Variants in FMN1 observed in about 807,000 individuals in gnomAD.
FMN1 encodes the protein formin 1, also known as formin-1.
FMN1 carries 110 observed loss-of-function variants against 132.4 expected under a neutral mutation model. That is an observed-to-expected ratio of 0.83 (90% CI 0.71 to 0.97). The LOEUF is 0.97. FMN1 is among the 50% of genes least tolerant of loss of function. The pLI is 0.00. For synonymous variants in FMN1, 722 were observed against 651.7 expected, an observed-to-expected ratio of 1.11 and a Z score of -1.64; for missense variants, 1,792 against 1,705.3, an observed-to-expected ratio of 1.05 and a Z score of -0.90.
intron 6 of FMN1, among the ~76,000 whole-genome samples, chr15:33,054,913 T>C (rs2037146710): frequency 6.6e-6 from 1 of 152,188 alleles, no homozygotes; most frequent in African/African-American, 2.4e-5. Context: ...TCTAGCAGGG[T>C]ATCATAACTG....
At chr15:32,892,783 G>T (rs1010140202) in intron 15 of FMN1, among the ~76,000 whole-genome samples, 15 of 152,040 alleles carry the variant, frequency 9.9e-5, no homozygotes, top group African/African-American at 3.6e-4. Flanking sequence ...CCTGATTTAA[G>T]CTAGGAGGAT....
At chr15:32,830,725 A>T (rs1030045687) in intron 17 of FMN1, among the ~76,000 whole-genome samples, 1 of 152,168 alleles carries the variant, frequency 6.6e-6, no homozygotes, top group African/African-American at 2.4e-5. Context: ...GTAGAAACCT[A>T]ATTTTCCCAG....
At chr15:32,986,429 G>A (rs2033074017) in intron 7 of FMN1, among the ~76,000 whole-genome samples, 1 of 152,068 alleles carries the variant, frequency 6.6e-6, no homozygotes. Flanking sequence ...TTTTGGCAAA[G>A]TGTCACACTG....
chr15:33,018,488 A>G (rs149263310), intron 6 of FMN1, among the ~76,000 whole-genome samples: 212 of 152,296 alleles, frequency 1.4e-3, no homozygotes, highest in Admixed American at 4.2e-3. Flanking sequence ...AGCTTCCGTG[A>G]GAACCCAAGA....
chr15:33,128,569 T>A lies in FMN1; in HGVS notation c.1867+24479A>T, dbSNP rs144670128. Among the ~76,000 whole-genome samples the A allele has an allele frequency of 6.8e-3, 1,038 of 152,344 alleles. 14 individuals carry two copies. Among genetic ancestry groups the A allele is most frequent in the African/African-American group, 0.024 (983 of 41,578 alleles). Reference sequence around the variant, plus strand: ...ACATACCGAGTCCGGAGTTTCTTGCTTCCGATGCGTTCGTGGTCTAACTTC... The same window carrying A: ...ACATACCGAGTCCGGAGTTTCTTGCATCCGATGCGTTCGTGGTCTAACTTC... On this transcript the variant is annotated intron_variant, in intron 4 of 20. Coordinates refer to ENST00000616417, the MANE Select transcript of FMN1 (RefSeq NM_001277313.2).
At chr15:32,782,737 C>A (rs1418299750) in intron 19 of FMN1, among the ~76,000 whole-genome samples, 1 of 152,096 alleles carries the variant, frequency 6.6e-6, no homozygotes, top group Non-Finnish European at 1.5e-5. Context: ...TTGTTTCTGG[C>A]CTAAATGTTG....
intron 5 of FMN1, chr15:33,067,569 CCT>C: frequency 1.2e-6 from 2 of 1,613,952 alleles, no homozygotes; most frequent in South Asian, 1.1e-5. Context: ...CTCTGACTTC[CCT>C]CTGATTCTGT....
At chr15:32,956,376 A>AAT (rs2061769484) in intron 9 of FMN1, among the ~76,000 whole-genome samples, 2 of 151,740 alleles carry the variant, frequency 1.3e-5, no homozygotes, top group Non-Finnish European at 2.9e-5. Flanking sequence ...TTTTTTTAAA[A>AAT]AAATAAGCAA....
At chr15:32,999,242 ATTAAGAGAT>A (rs2033952712) in intron 7 of FMN1, among the ~76,000 whole-genome samples, 1 of 152,220 alleles carries the variant, frequency 6.6e-6, no homozygotes, top group Non-Finnish European at 1.5e-5. Flanking sequence ...TTATCTGGGA[ATTAAGAGAT>A]TTAAATGTAT....
At chr15:33,163,344 G>C (rs1322933137) in intron 3 of FMN1, among the ~76,000 whole-genome samples, 1 of 151,444 alleles carries the variant, frequency 6.6e-6, no homozygotes, top group East Asian at 1.9e-4. Flanking sequence ...GCCCAGGCTG[G>C]AGCGCAATGG....
intron 16 of FMN1, among the ~76,000 whole-genome samples, chr15:32,877,243 T>C (rs75420030): frequency 0.32 from 47,543 of 150,598 alleles, 8,011 homozygotes; most frequent in African/African-American, 0.43. Flanking sequence ...GCCGAGATTG[T>C]GCCACTGCAC....
intron 4 of FMN1, among the ~76,000 whole-genome samples, chr15:33,132,446 G>A (rs1963589592): frequency 1.3e-5 from 2 of 152,140 alleles, no homozygotes; most frequent in South Asian, 4.1e-4. Flanking sequence ...CTCCTGTAAG[G>A]AATACTATAT....
chr15:33,026,454 C>T (rs919188818), intron 6 of FMN1, among the ~76,000 whole-genome samples: 3 of 104,870 alleles, frequency 2.9e-5, no homozygotes, highest in African/African-American at 9.2e-5. Flanking sequence ...GTTTATAAGA[C>T]TAGGTTTAGC....
In FMN1 at chr15:33,074,074, G is replaced by T. The variant is rs115976431; in HGVS notation, c.2044-9000C>A. On this transcript the variant is annotated intron_variant, in intron 5 of 20. Coordinates refer to ENST00000616417, the MANE Select transcript of FMN1 (RefSeq NM_001277313.2). ...TAAAGATGAAGGCATTTGAGGTCAAGGGAAGCGGAACAACTGGCACCAGTT... is the reference window on the plus strand; with the variant it reads ...TAAAGATGAAGGCATTTGAGGTCAATGGAAGCGGAACAACTGGCACCAGTT... 5.6e-3 allele frequency among the ~76,000 whole-genome samples: 860 copies of T among 152,228 alleles called. 12 individuals are homozygous for T. Among genetic ancestry groups the T allele is most frequent in the African/African-American group, 0.02 (834 of 41,544 alleles).
At chr15:32,980,327 C>G (rs930926017) in intron 7 of FMN1, among the ~76,000 whole-genome samples, 2 of 150,638 alleles carry the variant, frequency 1.3e-5, no homozygotes, top group African/African-American at 4.9e-5. Flanking sequence ...AAAACAAAAA[C>G]CTAAAATAGG....
At chr15:33,043,534 A>T (rs1386759548) in intron 6 of FMN1, among the ~76,000 whole-genome samples, 1 of 152,218 alleles carries the variant, frequency 6.6e-6, no homozygotes, top group Non-Finnish European at 1.5e-5. Flanking sequence ...GGACTCCCTG[A>T]TTCACGAATT....
intron 10 of FMN1, among the ~76,000 whole-genome samples, chr15:32,911,002 G>C (rs549273759): frequency 6.6e-6 from 1 of 152,302 alleles, no homozygotes; most frequent in South Asian, 2.1e-4. Context: ...GCACCTTTCC[G>C]TGGCCACTGC....
chr15:32,898,412 A>G (rs533321686), intron 15 of FMN1, among the ~76,000 whole-genome samples: 4 of 152,216 alleles, frequency 2.6e-5, no homozygotes, highest in Non-Finnish European at 5.9e-5. Context: ...TTCAAATTCT[A>G]CATCTTCAGT....
intron 7 of FMN1, among the ~76,000 whole-genome samples, chr15:32,975,048 C>A (rs961313475): frequency 6.6e-6 from 1 of 152,242 alleles, no homozygotes; most frequent in Non-Finnish European, 1.5e-5. Flanking sequence ...CTCATATCTT[C>A]ACTCTTTCAC....
Sources: gnomAD v4.1 joint callset for allele counts (sites outside exome capture counted in the v4.1 genomes callset) on GRCh38, gnomAD v4.1.1 for gene constraint, MANE v1.5 for transcripts, NCBI Gene and HGNC (gene_info 2026-07-23, HGNC 2026-07-21) for gene names.